Variants in TAMALIN observed in about 807,000 individuals in gnomAD.
The protein encoded by TAMALIN is trafficking regulator and scaffold protein tamalin.
TAMALIN carries 9 observed loss-of-function variants against 38.5 expected under a neutral mutation model. That is an observed-to-expected ratio of 0.23 (90% CI 0.14 to 0.41). The LOEUF (loss-of-function observed/expected upper bound fraction) is 0.41, where lower values mean the gene tolerates loss of function less well. TAMALIN is among the 10% of genes least tolerant of loss of function. TAMALIN has a pLI of 1.00. For synonymous variants in TAMALIN, 306 were observed against 256.5 expected, an observed-to-expected ratio of 1.19 and a Z score of -1.85; for missense variants, 548 against 554.1, an observed-to-expected ratio of 0.99 and a Z score of 0.11.
chr12:52,014,550 G>C, intron 7 of TAMALIN, 144 bp from the exon 8 acceptor site: 1 of 645,364 alleles, frequency 1.5e-6, no homozygotes, highest in African/African-American at 1.8e-5. Flanking sequence ...GAGGGAAGTA[G>C]GGTCTCAGGT....
At chr12:52,012,765 A>G (rs1937681194) in intron 4 of TAMALIN, among the ~76,000 whole-genome samples, 1 of 152,200 alleles carries the variant, frequency 6.6e-6, no homozygotes, top group Non-Finnish European at 1.5e-5. Context: ...ACAGATAGGA[A>G]TGGGGCCCTG....
intron 6 of TAMALIN, 80 bp downstream of exon 6, chr12:52,014,023 A>C: frequency 6.5e-7 from 1 of 1,543,144 alleles, no homozygotes; most frequent in Non-Finnish European, 9.0e-7. Context: ...TTACAGCTGA[A>C]TCTCCTGTAA....
In TAMALIN at chr12:52,011,247, CTTCT is replaced by C. The variant is rs1937639224; in HGVS notation, c.454+109_454+112del. 1 of 1,564,546 alleles carries C rather than the reference CTTCT, an allele frequency of 6.4e-7. No homozygotes were observed. Among genetic ancestry groups the C allele is most frequent in the Non-Finnish European group, 8.6e-7 (1 of 1,159,010 alleles). ...CTGAAATCAATTCCTCTTCCTTTTC[CTTCT>C]TTGAGAAGGCCAGAAAGAAGAATGG... On this transcript the variant is annotated intron_variant, in intron 4 of 7. Coordinates refer to ENST00000293662, the MANE Select transcript of TAMALIN (RefSeq NM_181711.4). The surrounding 1 kb of genome is among the most constrained non-coding windows in gnomAD (Gnocchi z 5.3).
At position 52,014,978 on chromosome 12, in the gene TAMALIN, G is replaced by A; in HGVS notation, c.967G>A (p.Gly323Arg). Residue 323 changes from glycine to arginine, a missense_variant, in exon 8 of 8, where the codon GGG becomes AGG. Physicochemically the swap from Gly to Arg is moderately radical, Grantham distance 125. This residue lies in a region of TAMALIN where 415 missense variants were observed against 417.0 expected (regional missense o/e 1.00). Coordinates refer to ENST00000293662, the MANE Select transcript of TAMALIN (RefSeq NM_181711.4). ...AETPAVGPGPGPRAALSRSAS... is the reference protein window; with the variant it reads ...AETPAVGPGPRPRAALSRSAS... ...GACCCCTGCCGTGGGGCCGGGCCCT[G>A]GGCCGCGGGCCGCGCTGAGCCGCAG... The A allele has an allele frequency of 4.1e-6, 4 of 970,960 alleles. No homozygotes were observed. The highest frequency in any genetic ancestry group is 9.4e-5 in the South Asian group (2 of 21,384). The allele number at this position is 970,960 out of a possible 1,614,324, so 60.1% of individuals were successfully genotyped here.
chr12:52,008,298 T>C (rs1942447452), intron 1 of TAMALIN: 1 of 985,306 alleles, frequency 1.0e-6, no homozygotes, highest in South Asian at 4.7e-5. Flanking sequence ...AAAGGGCTGC[T>C]CTGGGACTGG....
intron 7 of TAMALIN, 149 bp downstream of exon 7, chr12:52,014,350 T>G (rs752146861): frequency 1.4e-6 from 1 of 711,220 alleles, no homozygotes; most frequent in Non-Finnish European, 2.5e-6. Context: ...ACTACTACTT[T>G]GGGTACTGCC....
In TAMALIN at chr12:52,015,167, C is replaced by T. The variant is rs1463083670; in HGVS notation, c.1156C>T (p.Arg386Cys). Residue 386 changes from arginine to cysteine, a missense_variant, in exon 8 of 8, where the codon CGC (arginine) becomes TGC (cysteine). Coordinates refer to ENST00000293662, the MANE Select transcript of TAMALIN (RefSeq NM_181711.4). ...GCTCAAGTTCATCCCCGGACTCAAC[C>T]GCTCCCTGGAGGAGGAGGAGAGCCA... ...RLLKFIPGLN[R>C]SLEEEESQL 6.3e-7 allele frequency: 1 copy of T among 1,593,586 alleles called. No homozygotes were observed. The highest frequency in any genetic ancestry group is 1.3e-5 in the African/African-American group (1 of 74,678).
intron 7 of TAMALIN, 73 bp downstream of exon 7, chr12:52,014,274 C>A: frequency 1.9e-5 from 24 of 1,274,570 alleles, no homozygotes; most frequent in Non-Finnish European, 2.6e-5. Context: ...CCCCTCAGAA[C>A]TGGCGGGTTC....
At chr12:52,013,171 G>A (rs563948379) in intron 4 of TAMALIN, among the ~76,000 whole-genome samples, 4 of 143,824 alleles carry the variant, frequency 2.8e-5, no homozygotes, top group South Asian at 4.4e-4. Flanking sequence ...TCCGCCTCCC[G>A]GGTTCACGCC....
intron 6 of TAMALIN, 42 bp downstream of exon 6, chr12:52,013,985 C>T: frequency 1.2e-6 from 2 of 1,601,638 alleles, no homozygotes; most frequent in Non-Finnish European, 1.7e-6. Flanking sequence ...CCCTCCTCTT[C>T]CCAAGCCTCT....
In TAMALIN at chr12:52,014,723, G is replaced by C. The variant is rs1483640007; in HGVS notation, c.712G>C (p.Asp238His). ...GLVVKDPSIY[D>H]TLESVRSCLY... Reference sequence around the variant, plus strand: ...GGTGGTGAAGGACCCCAGCATCTACGACACGCTGGAGTCGGTGCGCTCCTG... The same window carrying C: ...GGTGGTGAAGGACCCCAGCATCTACCACACGCTGGAGTCGGTGCGCTCCTG... Residue 238 changes from aspartate to histidine, a missense_variant, in exon 8 of 8, where the codon GAC becomes CAC. Coordinates refer to ENST00000293662, the MANE Select transcript of TAMALIN (RefSeq NM_181711.4). 9.2e-6 allele frequency: 14 copies of C among 1,518,710 alleles called. No individual in the cohort carries two copies. Among genetic ancestry groups the C allele is most frequent in the African/African-American group, 2.8e-5 (2 of 71,076 alleles). The allele number at this position is 1,518,710 out of a possible 1,614,324, so 94.1% of individuals were successfully genotyped here. A position where few individuals can be genotyped will look rare whatever the true frequency, so the allele number is the denominator to read the frequency against.
intron 2 of TAMALIN, among the ~76,000 whole-genome samples, chr12:52,009,834 C>T (rs1158406155): frequency 6.6e-6 from 1 of 152,264 alleles, no homozygotes; most frequent in East Asian, 1.9e-4. Context: ...AATGGATCAG[C>T]AAACTGACCT....
Position 52,007,297 on chromosome 12 carries a change from C to T in TAMALIN, c.246+32C>T. Reference sequence around the variant, plus strand: ...CCCCCGCCCGCCTTCAGGATCTGCTCAGCCCCTCTCCGACTCCCTACAGGG... The same window carrying T: ...CCCCCGCCCGCCTTCAGGATCTGCTTAGCCCCTCTCCGACTCCCTACAGGG... On this transcript the variant is annotated intron_variant, in intron 1 of 7. Coordinates refer to ENST00000293662, the MANE Select transcript of TAMALIN (RefSeq NM_181711.4). The surrounding 1 kb of genome is among the most constrained non-coding windows in gnomAD (Gnocchi z 6.7). The T allele has an allele frequency of 7.2e-7, 1 of 1,392,318 alleles. No individual in the cohort carries two copies. Among genetic ancestry groups the T allele is most frequent in the Non-Finnish European group, 9.3e-7 (1 of 1,076,030 alleles). 86.2% of individuals were successfully genotyped at this position (1,392,318 alleles called of 1,614,324 possible).
At chr12:52,008,859 C>A in intron 1 of TAMALIN, 1 of 637,664 alleles carries the variant, frequency 1.6e-6, no homozygotes, top group Non-Finnish European at 2.0e-6. Flanking sequence ...AGACATGGGC[C>A]CTAGGGGTGG....
chr12:52,007,294 G>T lies in TAMALIN; in HGVS notation c.246+29G>T, dbSNP rs563184475. The T allele has an allele frequency of 1.1e-5, 15 of 1,393,062 alleles. 1 individual carries two copies. Among genetic ancestry groups the T allele is most frequent in the Middle Eastern group, 1.9e-4 (1 of 5,188 alleles). The allele number at this position is 1,393,062 out of a possible 1,614,324, so 86.3% of individuals were successfully genotyped here. ...CGTCCCCCGCCCGCCTTCAGGATCT[G>T]CTCAGCCCCTCTCCGACTCCCTACA... On this transcript the variant is annotated intron_variant, in intron 1 of 7. Transcript: ENST00000293662. The surrounding 1 kb of genome is among the most constrained non-coding windows in gnomAD (Gnocchi z 6.7).
rs774522612 is a variant in TAMALIN, at chr12:52,011,166, AG to A, written c.454+27del. On this transcript the variant is annotated intron_variant, in intron 4 of 7. Transcript: ENST00000293662. The surrounding 1 kb of genome is among the most constrained non-coding windows in gnomAD (Gnocchi z 5.3). ...GGTGGGGCCTGAGCCCAGGACACCCAGGTCTGGGAAGGGGATATGACCTTAC... is the reference window on the plus strand; with the variant it reads ...GGTGGGGCCTGAGCCCAGGACACCCAGTCTGGGAAGGGGATATGACCTTAC... 6.2e-7 allele frequency: 1 copy of A among 1,608,278 alleles called. No individual in the cohort carries two copies. Among genetic ancestry groups the A allele is most frequent in the Non-Finnish European group, 8.5e-7 (1 of 1,179,922 alleles).
At chr12:52,009,771 G>C (rs1000183216) in intron 2 of TAMALIN, among the ~76,000 whole-genome samples, 1 of 152,214 alleles carries the variant, frequency 6.6e-6, no homozygotes, top group Admixed American at 6.5e-5. Context: ...GGACCCCACA[G>C]TTTCCCTTCT....
chr12:52,014,916 CG>C lies in TAMALIN; in HGVS notation c.906del (p.Pro304ArgfsTer25). 1 of 1,094,538 alleles carries C rather than the reference CG, an allele frequency of 9.1e-7. No homozygotes were observed. The highest frequency in any genetic ancestry group is 1.1e-6 in the Non-Finnish European group (1 of 897,504). 67.8% of individuals were successfully genotyped at this position (1,094,538 alleles called of 1,614,324 possible). A position where few individuals can be genotyped will look rare whatever the true frequency, so the allele number is the denominator to read the frequency against. On this transcript the variant is annotated frameshift_variant, in exon 8 of 8. Coordinates refer to ENST00000293662, the MANE Select transcript of TAMALIN (RefSeq NM_181711.4). LOFTEE classifies it high-confidence loss of function. ...DSEPPALPPP[P>X]PPARAFGPGP... ...GAGCCGCCGGCGCTGCCGCCCCCGC[CG>C]CCCCCGGCCCGCGCCTTCGGCCCGG...
chr12:52,010,098 AGAGT>A (rs1427384394), intron 2 of TAMALIN, among the ~76,000 whole-genome samples: 3 of 152,292 alleles, frequency 2.0e-5, no homozygotes, highest in Admixed American at 1.3e-4. Context: ...CCTGCTGTTC[AGAGT>A]GAGAGGGGCT....
Sources: allele counts gnomAD v4.1 joint callset (sites outside exome capture counted in the v4.1 genomes callset), GRCh38; gene constraint gnomAD v4.1.1; regional missense constraint gnomAD v4.1.1; non-coding constraint Gnocchi (gnomAD v3.1); transcripts MANE v1.5; gene names NCBI Gene and HGNC (gene_info 2026-07-23, HGNC 2026-07-21).